The following ZDHHC14 variants were observed in gnomAD, a reference collection of about 807,000 sequenced individuals.
ZDHHC14 encodes zDHHC palmitoyltransferase 14, also known as palmitoyltransferase ZDHHC14.
In ZDHHC14, 16 loss-of-function variants were observed where a neutral mutation model predicts 47.7. The observed-to-expected ratio is 0.34, with a 90% CI of 0.23 to 0.51. ZDHHC14 has a LOEUF of 0.51. Ranked by LOEUF, ZDHHC14 falls within the 20% of genes least tolerant of loss-of-function variation. ZDHHC14 has a pLI of 0.97. For missense variants in ZDHHC14, 515 were observed against 662.5 expected (o/e 0.78, Z 2.44); for synonymous variants, 293 against 278.9 (o/e 1.05, Z -0.50).
In ZDHHC14 at chr6:157,411,622, G is replaced by A. The variant is rs189698597; in HGVS notation, c.245+29356G>A. 2.6e-5 allele frequency among the ~76,000 whole-genome samples: 4 copies of A among 152,106 alleles called. No individual in the cohort carries two copies. In the East Asian group the frequency reaches 7.7e-4, roughly 29 times the overall value. ...ATGTGAAAAAAAGGTTAAGGTTAAG[G>A]AAAATAAGAAAACAAAGAGAGAAAG... On this transcript the variant is annotated intron_variant, in intron 1 of 8. Coordinates refer to ENST00000359775, the MANE Select transcript of ZDHHC14 (RefSeq NM_024630.3).
intron 2 of ZDHHC14, among the ~76,000 whole-genome samples, chr6:157,548,045 C>T (rs9456459): frequency 0.062 from 9,463 of 151,554 alleles, 1,037 homozygotes; most frequent in African/African-American, 0.22. Flanking sequence ...TCATACACTG[C>T]GCAGTCGCTT....
At chr6:157,613,556 C>T (rs556299851) in intron 3 of ZDHHC14, among the ~76,000 whole-genome samples, 2 of 152,234 alleles carry the variant, frequency 1.3e-5, no homozygotes, top group African/African-American at 4.8e-5. Context: ...TGTATACCTC[C>T]GGGACCCTGG....
intron 3 of ZDHHC14, among the ~76,000 whole-genome samples, chr6:157,618,110 C>G (rs149455303): frequency 2.4e-4 from 36 of 152,250 alleles, no homozygotes; most frequent in African/African-American, 8.2e-4. Context: ...TTAAGGAGAA[C>G]TAGGCATCGT....
chr6:157,670,044 A>G (rs1250583919), intron 8 of ZDHHC14, among the ~76,000 whole-genome samples: 1 of 152,244 alleles, frequency 6.6e-6, no homozygotes, highest in Non-Finnish European at 1.5e-5. Context: ...GACTGAGCCC[A>G]TGTCCTGAGC....
chr6:157,386,122 C>T (rs1357372823), intron 1 of ZDHHC14, among the ~76,000 whole-genome samples: 1 of 152,056 alleles, frequency 6.6e-6, no homozygotes, highest in Non-Finnish European at 1.5e-5. Flanking sequence ...CTCTGGTCAC[C>T]CTTTTCTGAG....
At position 157,476,084 on chromosome 6, in the gene ZDHHC14, A is replaced by C. The variant is rs376929868; in HGVS notation, c.246-66501A>C. On this transcript the variant is annotated intron_variant, in intron 1 of 8. Coordinates refer to ENST00000359775, the MANE Select transcript of ZDHHC14 (RefSeq NM_024630.3). ...AACAAACTGAGCCCAAAGTTAATAG[A>C]AGGAAAGAAATAATAGAGATCACAG... Among the ~76,000 whole-genome samples, 3 of 152,134 alleles carry C rather than the reference A, an allele frequency of 2.0e-5. No homozygotes were observed. In the East Asian group the frequency reaches 5.8e-4, roughly 29 times the overall value.
intron 5 of ZDHHC14, among the ~76,000 whole-genome samples, chr6:157,642,499 G>A (rs1277545902): frequency 6.6e-6 from 1 of 152,162 alleles, no homozygotes; most frequent in Non-Finnish European, 1.5e-5. Flanking sequence ...AGTGAGTACC[G>A]CAGTGTGCAA....
intron 3 of ZDHHC14, among the ~76,000 whole-genome samples, chr6:157,606,447 C>A (rs1784543070): frequency 1.3e-5 from 2 of 151,924 alleles, no homozygotes; most frequent in South Asian, 4.2e-4. Context: ...ACCTGGGGGA[C>A]AAGAGCAAAA....
intron 3 of ZDHHC14, among the ~76,000 whole-genome samples, chr6:157,613,999 CCTT>C (rs1784854037): frequency 6.6e-6 from 1 of 152,200 alleles, no homozygotes; most frequent in South Asian, 2.1e-4. Flanking sequence ...GATATTATAT[CCTT>C]CTTCCTTGGT....
At chr6:157,484,377 C>CATATATATGTAT (rs1265582108) in intron 1 of ZDHHC14, among the ~76,000 whole-genome samples, 45 of 142,658 alleles carry the variant, frequency 3.2e-4, no homozygotes, top group African/African-American at 1.2e-3. Flanking sequence ...CGTATATATA[C>CATATATATGTAT]ACACATATAT....
chr6:157,665,763 C>G (rs901898368), intron 8 of ZDHHC14, among the ~76,000 whole-genome samples: 2 of 152,154 alleles, frequency 1.3e-5, no homozygotes, highest in African/African-American at 2.4e-5. Context: ...AGTGTATCCT[C>G]TCTCACAAGT....
At chr6:157,448,038 CTTTATTTA>C (rs200560211) in intron 1 of ZDHHC14, among the ~76,000 whole-genome samples, 4 of 151,830 alleles carry the variant, frequency 2.6e-5, no homozygotes, top group African/African-American at 7.3e-5. Context: ...CACCTGGCTA[CTTTATTTA>C]TTTATTTATT....
At chr6:157,539,194 G>A (rs1473569986) in intron 1 of ZDHHC14, among the ~76,000 whole-genome samples, 4 of 151,940 alleles carry the variant, frequency 2.6e-5, no homozygotes, top group East Asian at 1.9e-4. Flanking sequence ...AGGATTACTC[G>A]AGCCCAGGAG....
intron 3 of ZDHHC14, among the ~76,000 whole-genome samples, chr6:157,596,355 TTGTGGCTTC>T (rs1379358187): frequency 6.6e-6 from 1 of 152,192 alleles, no homozygotes; most frequent in East Asian, 1.9e-4. Context: ...AGGTGGGAAC[TTGTGGCTTC>T]CCTTACCTTG....
At chr6:157,428,444 A>T (rs988548448) in intron 1 of ZDHHC14, among the ~76,000 whole-genome samples, 3 of 152,194 alleles carry the variant, frequency 2.0e-5, no homozygotes, top group African/African-American at 7.2e-5. Context: ...ATGACAAGTA[A>T]TTGAGAGTAA....
chr6:157,530,529 T>C (rs1487444179), intron 1 of ZDHHC14, among the ~76,000 whole-genome samples: 3 of 152,216 alleles, frequency 2.0e-5, no homozygotes, highest in Non-Finnish European at 2.9e-5. Context: ...CTACCAAATA[T>C]GCACTTTTGA....
At chr6:157,490,403 G>A (rs767850882) in intron 1 of ZDHHC14, among the ~76,000 whole-genome samples, 3 of 152,184 alleles carry the variant, frequency 2.0e-5, no homozygotes, top group Admixed American at 1.3e-4. Flanking sequence ...TCAAGCCACC[G>A]GGTCAGCAGG....
chr6:157,668,934 G>A (rs1362174147), intron 8 of ZDHHC14, among the ~76,000 whole-genome samples: 1 of 152,200 alleles, frequency 6.6e-6, no homozygotes, highest in Admixed American at 6.5e-5. Context: ...CAGGTTTGGA[G>A]TGGTCTGAAC....
In ZDHHC14 at chr6:157,653,539, G is replaced by T; in HGVS notation, c.980G>T (p.Arg327Ile). The T allele has an allele frequency of 1.2e-6, 2 of 1,613,856 alleles. No homozygotes were observed. Among genetic ancestry groups the T allele is most frequent in the Non-Finnish European group, 1.7e-6 (2 of 1,179,944 alleles). Residue 327 changes from arginine to isoleucine, a missense_variant, in exon 8 of 9, where the codon AGA (arginine) becomes ATA (isoleucine). Coordinates refer to ENST00000359775, the MANE Select transcript of ZDHHC14 (RefSeq NM_024630.3). ...GPISPSLIDR[R>I]GYIQPDTPQP... Reference sequence around the variant, plus strand: ...TTCTCTCGCAGCCTGATCGACAGAAGAGGGTACATCCAGCCCGACACGCCG... The same window carrying T: ...TTCTCTCGCAGCCTGATCGACAGAATAGGGTACATCCAGCCCGACACGCCG...
Sources: gnomAD v4.1 joint callset for allele counts (sites outside exome capture counted in the v4.1 genomes callset) on GRCh38, gnomAD v4.1.1 for gene constraint, MANE v1.5 for transcripts, NCBI Gene and HGNC (gene_info 2026-07-23, HGNC 2026-07-21) for gene names.